Variants in CREB5 observed in about 807,000 individuals in gnomAD.
CREB5 encodes cyclic AMP-responsive element-binding protein 5.
A neutral mutation model predicts 57.1 loss-of-function variants in CREB5; 19 were observed. That is an observed-to-expected ratio of 0.33 (90% CI 0.23 to 0.49). The LOEUF (loss-of-function observed/expected upper bound fraction) is 0.49. Ranked by LOEUF, CREB5 falls within the 20% of genes least tolerant of loss-of-function variation. The probability of loss-of-function intolerance (pLI) is 0.99; values close to 1 mark genes in which losing one functional copy is unlikely to be tolerated. For synonymous variants in CREB5, 238 were observed against 238.3 expected (o/e 1.00, Z 0.01); for missense variants, 579 against 671.6 (o/e 0.86, Z 1.52).
At chr7:28,631,042 C>T (rs1798182241) in intron 5 of CREB5, among the ~76,000 whole-genome samples, 1 of 152,120 alleles carries the variant, frequency 6.6e-6, no homozygotes, top group Non-Finnish European at 1.5e-5. Context: ...GCTCTGACCC[C>T]AGAGCACATG....
intron 1 of CREB5, among the ~76,000 whole-genome samples, chr7:28,425,791 C>CTCTCTCCTTGGCAATGTAT (rs1788486898): frequency 6.6e-6 from 1 of 152,208 alleles, no homozygotes; most frequent in Non-Finnish European, 1.5e-5. Flanking sequence ...CCAGCTTGCA[C>CTCTCTCCTTGGCAATGTAT]CTCTCTCCTT....
chr7:28,353,560 G>A (rs544459121), intron 1 of CREB5, among the ~76,000 whole-genome samples: 2 of 152,130 alleles, frequency 1.3e-5, no homozygotes, highest in Admixed American at 1.3e-4. Flanking sequence ...ATGGGAGAAC[G>A]GGTCCAGGCG....
intron 5 of CREB5, among the ~76,000 whole-genome samples, chr7:28,600,934 C>A (rs113388220): frequency 1.1e-3 from 160 of 152,218 alleles, no homozygotes; most frequent in African/African-American, 3.6e-3. Flanking sequence ...TCCCTGCCCC[C>A]CTAAGATTTT....
At chr7:28,383,458 C>T (rs1402409268) in intron 1 of CREB5, among the ~76,000 whole-genome samples, 4 of 152,136 alleles carry the variant, frequency 2.6e-5, no homozygotes, top group Non-Finnish European at 5.9e-5. Flanking sequence ...GCACAGGAAG[C>T]ATGGCACCAG....
At chr7:28,722,228 G>C (rs1268115450) in intron 6 of CREB5, among the ~76,000 whole-genome samples, 2 of 152,166 alleles carry the variant, frequency 1.3e-5, no homozygotes, top group Non-Finnish European at 2.9e-5. Flanking sequence ...TCCAGAAGCT[G>C]TAAGCAGGCT....
intron 1 of CREB5, among the ~76,000 whole-genome samples, chr7:28,351,052 A>G (rs1786175297): frequency 6.6e-6 from 1 of 152,166 alleles, no homozygotes; most frequent in Non-Finnish European, 1.5e-5. Context: ...ACCTTTATGT[A>G]ATGATAGAAG....
chr7:28,445,409 A>G (rs1789394276), intron 1 of CREB5, among the ~76,000 whole-genome samples: 1 of 152,170 alleles, frequency 6.6e-6, no homozygotes, highest in African/African-American at 2.4e-5. Context: ...GTTCTACAGT[A>G]GGCTGCAGAA....
intron 5 of CREB5, among the ~76,000 whole-genome samples, chr7:28,645,778 A>C (rs1798866724): frequency 6.6e-6 from 1 of 152,218 alleles, no homozygotes; most frequent in East Asian, 1.9e-4. Context: ...GGATGCCCAG[A>C]TAGCTGATAA....
At chr7:28,545,000 A>C (rs1167879261) in intron 4 of CREB5, among the ~76,000 whole-genome samples, 1 of 152,162 alleles carries the variant, frequency 6.6e-6, no homozygotes, top group Non-Finnish European at 1.5e-5. Context: ...CTCCTGGAGC[A>C]TTAGCCATGG....
At chr7:28,342,378 G>A (rs1201634278) in intron 1 of CREB5, among the ~76,000 whole-genome samples, 2 of 152,010 alleles carry the variant, frequency 1.3e-5, no homozygotes, top group Admixed American at 6.6e-5. Flanking sequence ...AACCATACAA[G>A]ATATCAACTT....
intron 5 of CREB5, among the ~76,000 whole-genome samples, chr7:28,640,851 C>T (rs555388000): frequency 1.2e-4 from 18 of 152,272 alleles, no homozygotes; most frequent in East Asian, 3.9e-4. Flanking sequence ...TTCAGTTCAT[C>T]GGTCATTGCA....
intron 1 of CREB5, among the ~76,000 whole-genome samples, chr7:28,342,314 C>T (rs909279891): frequency 1.3e-5 from 2 of 152,118 alleles, no homozygotes; most frequent in African/African-American, 4.8e-5. Context: ...GTAGGAAGAT[C>T]AAAGTGGTAC....
In CREB5 at chr7:28,519,299, T is replaced by A. The variant is rs1793106734; in HGVS notation, c.291+11562T>A. 2.0e-5 allele frequency among the ~76,000 whole-genome samples: 3 copies of A among 152,328 alleles called. No homozygotes were observed. In the South Asian group the frequency reaches 6.2e-4, roughly 32 times the overall value. ...ATGTATTACAACATACATGTGTATA[T>A]GTTTTAGGCAAAGTTGGGAATTCAG... On this transcript the variant is annotated intron_variant, in intron 4 of 10. Transcript: ENST00000357727.
chr7:28,823,529 CA>C lies in CREB5; in HGVS notation c.*4252del, dbSNP rs1809900151. The C allele has an allele frequency of 6.6e-6, 1 of 152,492 alleles. No homozygotes were observed. The highest frequency in any genetic ancestry group is 2.4e-5 in the African/African-American group (1 of 41,404). 9.4% of individuals were successfully genotyped at this position (152,492 alleles called of 1,614,324 possible). On this transcript the variant is annotated 3_prime_UTR_variant, in exon 11 of 11. Coordinates refer to ENST00000357727, the MANE Select transcript of CREB5 (RefSeq NM_182898.4). ...CTTAGATCTCTGTGCATAGACATTT[CA>C]AGGATTTTTATTGCTCTGTGAGTTA...
chr7:28,693,923 G>C (rs61484090), intron 5 of CREB5, among the ~76,000 whole-genome samples: 7,544 of 152,286 alleles, frequency 0.05, 343 homozygotes, highest in African/African-American at 0.11. Flanking sequence ...CCAAGTCACA[G>C]AATGCAGGTG....
At chr7:28,308,581 ATTG>A (rs1309096079) in intron 1 of CREB5, among the ~76,000 whole-genome samples, 1 of 152,166 alleles carries the variant, frequency 6.6e-6, no homozygotes, top group Non-Finnish European at 1.5e-5. Flanking sequence ...TGGTTCCGGT[ATTG>A]TGTGCTGGTG....
intron 7 of CREB5, among the ~76,000 whole-genome samples, chr7:28,727,609 A>G (rs1803398040): frequency 6.6e-6 from 1 of 152,218 alleles, no homozygotes; most frequent in Non-Finnish European, 1.5e-5. Context: ...GACCAATTCT[A>G]TTAAGCTTTG....
chr7:28,663,622 A>G (rs545025657), intron 5 of CREB5, among the ~76,000 whole-genome samples: 1 of 152,350 alleles, frequency 6.6e-6, no homozygotes, highest in South Asian at 2.1e-4. Context: ...TGGTTTCTAC[A>G]TGGAAGTATC....
At chr7:28,779,463 T>A (rs1442428998) in intron 7 of CREB5, among the ~76,000 whole-genome samples, 1 of 152,194 alleles carries the variant, frequency 6.6e-6, no homozygotes. Context: ...TAATGCATTT[T>A]TCTAAATCAT....
Sources: allele counts gnomAD v4.1 joint callset (sites outside exome capture counted in the v4.1 genomes callset), GRCh38; gene constraint gnomAD v4.1.1; transcripts MANE v1.5; gene names NCBI Gene and HGNC (gene_info 2026-07-23, HGNC 2026-07-21).